DYSF: variants seen among roughly 807,000 people sequenced by gnomAD.
The protein encoded by DYSF is dysferlin.
A neutral mutation model predicts 274.9 loss-of-function variants in DYSF; 212 were observed. The ratio of observed to expected loss-of-function variants is 0.77; its 90% CI spans 0.69 to 0.86. The LOEUF is 0.86. Ranked by LOEUF, DYSF falls within the 40% of genes least tolerant of loss-of-function variation. The pLI is 0.00. For synonymous variants in DYSF, 1,091 were observed against 1,078.7 expected (o/e 1.01, Z -0.22); for missense variants, 2,666 against 2,783.2 (o/e 0.96, Z 0.95).
At chr2:71,668,881 G>A in intron 49 of DYSF, 39 bp downstream of exon 49, 3 of 1,596,944 alleles carry the variant, frequency 1.9e-6, no homozygotes, top group Non-Finnish European at 2.6e-6. Context: ...TGGGCTGAGG[G>A]GTGGGGGCGT....
rs185617318 is a variant in DYSF at position 71,682,603 on chromosome 2, C to T, written c.6247C>T (p.Arg2083Trp). The T allele has an allele frequency of 5.0e-5, 80 of 1,614,124 alleles. No individual in the cohort carries two copies. In the East Asian group the frequency reaches 5.1e-4, roughly 10 times the overall value. The part of the protein sequence containing the change: ...TMKFILWRRF[R>W]WAIILFIILF... The stretch of plus-strand genomic sequence containing the variant: ...GAAGTTCATCCTGTGGCGGCGTTTC[C>T]GGTGGGCCATCATCCTCTTCATCAT... Residue 2083 changes from arginine (R) to tryptophan (W), a missense_variant, in exon 55 of 56, where the codon CGG becomes TGG. Around this residue, in one of 3 missense-constraint regions of DYSF, gnomAD observed 1,460 missense variants for 1,502.1 expected, o/e 0.97. Transcript: ENST00000410020.
intron 3 of DYSF, among the ~76,000 whole-genome samples, chr2:71,502,333 C>T (rs1419680961): frequency 6.6e-6 from 1 of 152,044 alleles, no homozygotes; most frequent in African/African-American, 2.4e-5. Flanking sequence ...ATAAGTACAC[C>T]TGTGGCTGTT....
chr2:71,510,342 C>G (rs1482275135), intron 4 of DYSF, among the ~76,000 whole-genome samples: 1 of 152,182 alleles, frequency 6.6e-6, no homozygotes, highest in Non-Finnish European at 1.5e-5. Flanking sequence ...GGACTTTCTT[C>G]TTTTCCCCTC....
chr2:71,461,838 A>T (rs1356359669), upstream of DYSF, among the ~76,000 whole-genome samples: 4 of 152,180 alleles, frequency 2.6e-5, no homozygotes, highest in Admixed American at 2.6e-4. Flanking sequence ...GCTTAAATAG[A>T]CTTAAATGAG....
intron 4 of DYSF, among the ~76,000 whole-genome samples, chr2:71,506,510 G>T (rs1464362550): frequency 6.6e-6 from 1 of 152,180 alleles, no homozygotes; most frequent in Admixed American, 6.5e-5. Flanking sequence ...TGAGGACCTG[G>T]GCTGTCAGGC....
chr2:71,455,549 C>T (rs1432999728), intron 1 of DYSF, among the ~76,000 whole-genome samples: 6 of 152,342 alleles, frequency 3.9e-5, no homozygotes, highest in African/African-American at 1.2e-4. Flanking sequence ...TCCGCATCCT[C>T]AGCTCTGGGC....
In DYSF at chr2:71,528,376, T is replaced by A. The variant is rs1461225638; in HGVS notation, c.1355T>A (p.Val452Glu). 6.2e-7 allele frequency: 1 copy of A among 1,614,088 alleles called. No homozygotes were observed. The highest frequency in any genetic ancestry group is 1.1e-5 in the South Asian group (1 of 91,058). Reference sequence around the variant, plus strand: ...AAGAAGAACTTGGTGGACCCCTTTGTGGAGGTCAGCTTTGCGGGGAAAATG... The same window carrying A: ...AAGAAGAACTTGGTGGACCCCTTTGAGGAGGTCAGCTTTGCGGGGAAAATG... ...SNKKNLVDPF[V>E]EVSFAGKMLC... The change falls in exon 14 of 56, where the codon GTG becomes GAG. Residue 452 changes from valine (V) to glutamate (E), a missense_variant. Val to Glu is a moderately radical substitution (Grantham distance 121, BLOSUM62 -2). Coordinates refer to ENST00000410020, the MANE Select transcript of DYSF (RefSeq NM_001130987.2).
intron 3 of DYSF, among the ~76,000 whole-genome samples, chr2:71,487,861 A>G (rs975595848): frequency 2.0e-5 from 3 of 152,226 alleles, no homozygotes; most frequent in Non-Finnish European, 4.4e-5. Context: ...TGGATTAGCT[A>G]AGAAATAAAT....
chr2:71,671,662 C>T (rs1157584775), intron 51 of DYSF, among the ~76,000 whole-genome samples: 1 of 152,184 alleles, frequency 6.6e-6, no homozygotes, highest in Non-Finnish European at 1.5e-5. Flanking sequence ...CTATGAGTGA[C>T]AGTGAGGGAG....
intron 3 of DYSF, among the ~76,000 whole-genome samples, chr2:71,502,316 G>C (rs1479282169): frequency 6.6e-6 from 1 of 152,040 alleles, no homozygotes; most frequent in Non-Finnish European, 1.5e-5. Context: ...TCAGGAAAAA[G>C]CAGTTAATAA....
chr2:71,502,332 C>A (rs887634271), intron 3 of DYSF, among the ~76,000 whole-genome samples: 1 of 152,054 alleles, frequency 6.6e-6, no homozygotes, highest in African/African-American at 2.4e-5. Context: ...AATAAGTACA[C>A]CTGTGGCTGT....
rs2152956607 is a variant in DYSF, at chr2:71,669,684, T to C, written c.5722T>C (p.Trp1908Arg). ...CCTGGGAGGTGAAGGCAACTTCAACTGGAGGTTCATTTTCCCCTTCGACTA... is the reference window on the plus strand; with the variant it reads ...CCTGGGAGGTGAAGGCAACTTCAACCGGAGGTTCATTTTCCCCTTCGACTA... ...RSLGGEGNFN[W>R]RFIFPFDYLP... Residue 1908 changes from tryptophan (W) to arginine (R), a missense_variant, in exon 51 of 56, where the codon TGG (tryptophan) becomes CGG (arginine). Around this residue, in one of 3 missense-constraint regions of DYSF, gnomAD observed 1,460 missense variants for 1,502.1 expected, o/e 0.97. Coordinates refer to ENST00000410020, the MANE Select transcript of DYSF (RefSeq NM_001130987.2). 1 of 1,614,194 alleles carries C rather than the reference T, an allele frequency of 6.2e-7. No individual in the cohort carries two copies. Among genetic ancestry groups the C allele is most frequent in the Non-Finnish European group, 8.5e-7 (1 of 1,180,036 alleles).
intron 1 of DYSF, among the ~76,000 whole-genome samples, chr2:71,469,133 G>A (rs898371594): frequency 3.3e-5 from 5 of 152,166 alleles, no homozygotes; most frequent in African/African-American, 1.2e-4. Context: ...TTTTGGAACC[G>A]CATCTTGGGA....
chr2:71,513,090 T>G (rs2152730627), intron 5 of DYSF, 150 bp from the exon 6 acceptor site: 3 of 751,694 alleles, frequency 4.0e-6, no homozygotes, highest in Middle Eastern at 3.6e-4. Flanking sequence ...AAGGAACAGG[T>G]GCCACTGGGC....
chr2:71,664,843 T>C lies in DYSF; in HGVS notation c.5175-319T>C, dbSNP rs537112446. ...CGAAGGGGAATTTTGTGATGGTTTATGTCAGGGGAATGCATGTGAGGACTG... is the reference window on the plus strand; with the variant it reads ...CGAAGGGGAATTTTGTGATGGTTTACGTCAGGGGAATGCATGTGAGGACTG... On this transcript the variant is annotated intron_variant, in intron 46 of 55. Transcript: ENST00000410020. 2.0e-5 allele frequency among the ~76,000 whole-genome samples: 3 copies of C among 152,340 alleles called. No homozygotes were observed. In the East Asian group the frequency reaches 5.8e-4, roughly 29 times the overall value.
At position 71,673,816 on chromosome 2, in the gene DYSF, G is replaced by A. The variant is rs545120886; in HGVS notation, c.5785-381G>A. Among the ~76,000 whole-genome samples, 8 of 152,252 alleles carry A rather than the reference G, an allele frequency of 5.3e-5. No individual in the cohort carries two copies. The South Asian group carries it at 1.5e-3, about 28-fold the overall frequency. On this transcript the variant is annotated intron_variant, in intron 51 of 55. Transcript: ENST00000410020. ...GGTTGGAAGGATAAATGAGTTCATA[G>A]CAGTAGAGGGCCAACGCATAGGAAG...
intron 1 of DYSF, among the ~76,000 whole-genome samples, chr2:71,455,866 T>A (rs1209963790): frequency 3.3e-5 from 5 of 151,982 alleles, no homozygotes; most frequent in African/African-American, 7.3e-5. Context: ...ACATGCCCCC[T>A]CTGCACCCCC....
chr2:71,458,581 G>A (rs921690087), intron 1 of DYSF, among the ~76,000 whole-genome samples: 2 of 152,098 alleles, frequency 1.3e-5, no homozygotes, highest in African/African-American at 2.4e-5. Flanking sequence ...CTCTTTCTGG[G>A]AACAAGTATT....
At chr2:71,622,075 C>A (rs909250998) in intron 41 of DYSF, among the ~76,000 whole-genome samples, 2 of 144,156 alleles carry the variant, frequency 1.4e-5, no homozygotes, top group Non-Finnish European at 3.1e-5. Context: ...TTCTTTTGTC[C>A]CTTAAAGGAC....
Sources: allele counts gnomAD v4.1 joint callset (sites outside exome capture counted in the v4.1 genomes callset), GRCh38; gene constraint gnomAD v4.1.1; regional missense constraint gnomAD v4.1.1; transcripts MANE v1.5; gene names NCBI Gene and HGNC (gene_info 2026-07-23, HGNC 2026-07-21).